The following UBOX5 variants were observed in gnomAD, a reference collection of about 807,000 sequenced individuals.
UBOX5 encodes RING finger protein 37.
Under a neutral mutation model 39.0 loss-of-function variants are expected in UBOX5, and 28 were observed. The observed-to-expected ratio is 0.72, with a 90% CI of 0.53 to 0.98. The LOEUF is 0.98. Among genes scored for constraint, UBOX5 ranks in the 50% least tolerant of loss-of-function variants. The pLI is 0.00. For synonymous variants in UBOX5, 283 were observed against 275.5 expected, an observed-to-expected ratio of 1.03 and a Z score of -0.27; for missense variants, 585 against 674.4, an observed-to-expected ratio of 0.87 and a Z score of 1.47.
intron 1 of UBOX5, among the ~76,000 whole-genome samples, chr20:3,143,526 T>G (rs965656274): frequency 1.3e-5 from 2 of 151,496 alleles, no homozygotes; most frequent in Non-Finnish European, 2.9e-5. Context: ...CGGGGTACAG[T>G]GGCTCACACC....
intron 1 of UBOX5, among the ~76,000 whole-genome samples, chr20:3,124,371 C>T (rs908973445): frequency 5.3e-5 from 8 of 152,166 alleles, no homozygotes; most frequent in African/African-American, 9.7e-5. Context: ...GTGATCTGCC[C>T]GCCTTGGCCT....
chr20:3,134,796 T>C (rs1211040416), intron 1 of UBOX5, among the ~76,000 whole-genome samples: 2 of 150,866 alleles, frequency 1.3e-5, no homozygotes, highest in African/African-American at 4.9e-5. Flanking sequence ...ACCCGGGAGG[T>C]GGAGGTTGCA....
At position 3,122,482 on chromosome 20, in the gene UBOX5, C is replaced by T. The variant is rs1287052191; in HGVS notation, c.157G>A (p.Val53Met). Residue 53 changes from valine (V) to methionine (M), a missense_variant, in exon 3 of 5, where the codon GTG becomes ATG. Val to Met is a conservative substitution (Grantham distance 21). Coordinates refer to ENST00000217173, the MANE Select transcript of UBOX5 (RefSeq NM_014948.4). Reference sequence around the variant, plus strand: ...ACATTAAAGGGAAATGAAACTGTCACATAGACTGGTGGCTTAATGAAATAC... The same window carrying T: ...ACATTAAAGGGAAATGAAACTGTCATATAGACTGGTGGCTTAATGAAATAC... ...TEYFIKPPVY[V>M]TVSFPFNVEI... 4.5e-5 allele frequency: 72 copies of T among 1,614,048 alleles called. No homozygotes were observed. The highest frequency in any genetic ancestry group is 6.0e-5 in the Non-Finnish European group (71 of 1,180,026).
intron 3 of UBOX5, among the ~76,000 whole-genome samples, chr20:3,119,028 G>A (rs994200072): frequency 1.3e-5 from 2 of 152,178 alleles, no homozygotes; most frequent in Non-Finnish European, 2.9e-5. Flanking sequence ...GAAATATGAA[G>A]ATGGAGGCTA....
intron 1 of UBOX5, chr20:3,147,075 C>T (rs761852067): frequency 1.2e-6 from 2 of 1,614,152 alleles, no homozygotes; most frequent in Non-Finnish European, 1.7e-6. Context: ...AGGAAGCCCC[C>T]CAGAGGTACA....
At chr20:3,115,172 G>A in intron 4 of UBOX5, 133 bp downstream of exon 4, 3 of 1,144,576 alleles carry the variant, frequency 2.6e-6, no homozygotes, top group Non-Finnish European at 3.5e-6. Context: ...TCTCTCCCAG[G>A]GTGGGTGTTG....
rs762910834 is a variant in UBOX5, at chr20:3,148,059, G to A, written c.-42+11707C>T. 6.6e-5 allele frequency: 107 copies of A among 1,613,932 alleles called. No homozygotes were observed. Among genetic ancestry groups the A allele is most frequent in the Middle Eastern group, 1.6e-4 (1 of 6,084 alleles). Reference sequence around the variant, plus strand: ...GCACAAGCCAAGTCTCCAATTTTCCGCATGACAAATTCAGAGAGATTAGTA... The same window carrying A: ...GCACAAGCCAAGTCTCCAATTTTCCACATGACAAATTCAGAGAGATTAGTA... On this transcript the variant is annotated intron_variant, in intron 1 of 4. Coordinates refer to ENST00000217173, the MANE Select transcript of UBOX5 (RefSeq NM_014948.4).
Position 3,122,450 on chromosome 20 carries a change from G to A in UBOX5, c.189C>T (p.Ile63=), listed in dbSNP as rs767559330. 27 of 1,614,190 alleles carry A rather than the reference G, an allele frequency of 1.7e-5. 1 individual carries two copies. Among genetic ancestry groups the A allele is most frequent in the Middle Eastern group, 3.3e-4 (2 of 6,062 alleles). ...CTGTGAGGTCTATGTTGATCCTACA[G>A]ATTTCCACATTAAAGGGAAATGAAA... ...VTVSFPFNVE[I]CRINIDLTAG... is the part of the protein sequence containing the mutation. The change falls in exon 3 of 5, where the codon ATC becomes ATT. Residue 63 remains isoleucine, a synonymous_variant. Transcript: ENST00000217173.
chr20:3,149,310 C>A lies in UBOX5; in HGVS notation c.-42+10456G>T. The A allele has an allele frequency of 1.9e-6, 1 of 514,968 alleles. No individual in the cohort carries two copies. The highest frequency in any genetic ancestry group is 3.5e-6 in the Non-Finnish European group (1 of 289,212). The allele number at this position is 514,968 out of a possible 1,614,324, so 31.9% of individuals were successfully genotyped here. On this transcript the variant is annotated intron_variant, in intron 1 of 4. Coordinates refer to ENST00000217173, the MANE Select transcript of UBOX5 (RefSeq NM_014948.4). This position sits in a 1 kb window ranked among gnomAD's most constrained non-coding sequence, Gnocchi z 4.1. ...GAGTGGCTTCTACCTATAAAAGCAT[C>A]CAAATTTACACATTATAAAAAACAG...
intron 1 of UBOX5, among the ~76,000 whole-genome samples, chr20:3,144,277 T>C (rs1340912114): frequency 6.6e-6 from 1 of 152,196 alleles, no homozygotes; most frequent in Non-Finnish European, 1.5e-5. Context: ...AATTATGTGG[T>C]ATTGGCATAA....
chr20:3,115,669 A>C (rs1404032087), intron 3 of UBOX5, among the ~76,000 whole-genome samples: 3 of 148,986 alleles, frequency 2.0e-5, no homozygotes, highest in Admixed American at 6.7e-5. Context: ...TGCCCATCCC[A>C]CCGGCTTCAG....
intron 1 of UBOX5, among the ~76,000 whole-genome samples, chr20:3,130,089 T>G (rs572116001): frequency 1.7e-3 from 252 of 151,980 alleles, no homozygotes; most frequent in African/African-American, 5.9e-3. Flanking sequence ...AAATATTAGC[T>G]GGGCATGGTG....
At chr20:3,134,483 G>A (rs915188559) in intron 1 of UBOX5, among the ~76,000 whole-genome samples, 5 of 151,180 alleles carry the variant, frequency 3.3e-5, no homozygotes, top group African/African-American at 4.9e-5. Flanking sequence ...GCTTGAACCC[G>A]GGAGGTGGAG....
chr20:3,123,115 G>A (rs1476436869), intron 2 of UBOX5, among the ~76,000 whole-genome samples, 197 bp downstream of exon 2: 1 of 152,146 alleles, frequency 6.6e-6, no homozygotes, highest in Non-Finnish European at 1.5e-5. Context: ...ATGAGTCACA[G>A]CTCACCTCAC....
chr20:3,142,823 T>C (rs1600401166), intron 1 of UBOX5, among the ~76,000 whole-genome samples: 1 of 142,208 alleles, frequency 7.0e-6, no homozygotes. Context: ...CAATGGTAGG[T>C]GAAAGACTGG....
At chr20:3,140,014 CTTTTTTTTT>C (rs138435815) in intron 1 of UBOX5, among the ~76,000 whole-genome samples, 20 of 78,352 alleles carry the variant, frequency 2.6e-4, no homozygotes, top group Admixed American at 7.8e-4. Context: ...GGCCTTTTTA[CTTTTTTTTT>C]TTTTTTTTTT....
intron 1 of UBOX5, among the ~76,000 whole-genome samples, chr20:3,153,525 T>G (rs985917639): frequency 6.6e-6 from 1 of 152,182 alleles, no homozygotes; most frequent in African/African-American, 2.4e-5. Context: ...AGCCTAATAT[T>G]AAAGACTGTC....
intron 1 of UBOX5, chr20:3,147,825 C>T: frequency 6.2e-7 from 1 of 1,614,200 alleles, no homozygotes; most frequent in Non-Finnish European, 8.5e-7. Context: ...GGCAAAGACG[C>T]AGCCACTGCA....
At chr20:3,123,890 T>A (rs575731802) in intron 1 of UBOX5, among the ~76,000 whole-genome samples, 1 of 152,150 alleles carries the variant, frequency 6.6e-6, no homozygotes, top group Non-Finnish European at 1.5e-5. Flanking sequence ...TATTGAGACA[T>A]AGAAAATTTA....
Sources: allele counts gnomAD v4.1 joint callset (sites outside exome capture counted in the v4.1 genomes callset), GRCh38; gene constraint gnomAD v4.1.1; non-coding constraint Gnocchi (gnomAD v3.1); transcripts MANE v1.5; gene names NCBI Gene and HGNC (gene_info 2026-07-23, HGNC 2026-07-21).